Variants in MEG3 observed in about 807,000 individuals in gnomAD.
MEG3 encodes Very putative protein from MEG3 locus.
exon 1 of MEG3, chr14:100,858,305 T>A (rs1680576839): frequency 6.5e-6 from 1 of 152,776 alleles, no homozygotes; most frequent in African/African-American, 2.4e-5. Context: ...TTAGAGGAGG[T>A]GCTGCTGCAG....
upstream of MEG3, chr14:100,852,697 C>T (rs765377940): frequency 7.6e-6 from 2 of 262,626 alleles, no homozygotes; most frequent in Non-Finnish European, 1.5e-5. Context: ...AAAAAGTCAG[C>T]AGAGGCTCAG....
At position 100,837,400 on chromosome 14, in the gene MEG3, G is replaced by C. The variant is rs937060874; in HGVS notation, n.3045+1100G>C. 6.6e-6 allele frequency among the ~76,000 whole-genome samples: 1 copy of C among 152,198 alleles called. No individual in the cohort carries two copies. The highest frequency in any genetic ancestry group is 2.4e-5 in the African/African-American group (1 of 41,448). On this transcript the variant is annotated intron_variant and non_coding_transcript_variant, in intron 2 of 3. Transcript: ENST00000398461. The surrounding 1 kb of genome is among the most constrained non-coding windows in gnomAD (Gnocchi z 5.8). The stretch of plus-strand genomic sequence containing the variant: ...GTGGCCATTGTGGTGAATGAGTGCA[G>C]TTAGACTTCCCAGAGAAGCTGGGTG...
chr14:100,843,795 T>C (rs1173125279), intron 2 of MEG3, among the ~76,000 whole-genome samples: 2 of 141,204 alleles, frequency 1.4e-5, no homozygotes, highest in African/African-American at 5.3e-5. Context: ...AGACCTGCAG[T>C]GGGGCAGGCA....
chr14:100,834,514 C>A, exon 1 of MEG3: 1 of 345,182 alleles, frequency 2.9e-6, no homozygotes, highest in Non-Finnish European at 5.7e-6. Flanking sequence ...TCGTTGCTCC[C>A]TTGAGTGTAG....
chr14:100,827,433 CAGTTTTG>C (rs2037272068), intron 1 of MEG3: 1 of 152,180 alleles, frequency 6.6e-6, no homozygotes, highest in Non-Finnish European at 1.5e-5. Flanking sequence ...CAAGAGGGAA[CAGTTTTG>C]AGACCCCCCG....
chr14:100,852,297 G>A (rs1377922420), upstream of MEG3: 9 of 526,854 alleles, frequency 1.7e-5, no homozygotes, highest in East Asian at 4.4e-4. Context: ...GAGGGAGGGA[G>A]GCAAGAAGAA....
chr14:100,845,674 C>A lies in MEG3; in HGVS notation n.3121+141C>A. ...GGGTCTGTGCACCGGGAGGTGGGTG[C>A]CCATCGAGTCAAGCCAAGTGCAGAC... On this transcript the variant is annotated intron_variant and non_coding_transcript_variant, in intron 3 of 3. Coordinates refer to the MEG3 transcript ENST00000398461. This position sits in a 1 kb window ranked among gnomAD's most constrained non-coding sequence, Gnocchi z 5.2. 1 of 327,366 alleles carries A rather than the reference C, an allele frequency of 3.1e-6. No individual in the cohort carries two copies. The highest frequency in any genetic ancestry group is 6.0e-6 in the Non-Finnish European group (1 of 165,678). 20.3% of individuals were successfully genotyped at this position (327,366 alleles called of 1,614,324 possible).
chr14:100,838,800 G>A (rs2037665945), intron 2 of MEG3, among the ~76,000 whole-genome samples: 2 of 152,078 alleles, frequency 1.3e-5, no homozygotes, highest in Non-Finnish European at 2.9e-5. Context: ...AGGAAACCAA[G>A]AGGGTAGCTC....
Position 100,845,303 on chromosome 14 carries a change from G to A in MEG3, n.3046-155G>A, listed in dbSNP as rs756962220. Among the ~76,000 whole-genome samples, 3 of 152,146 alleles carry A rather than the reference G, an allele frequency of 2.0e-5. No individual in the cohort carries two copies. The highest frequency in any genetic ancestry group is 1.3e-4 in the Admixed American group (2 of 15,282). ...GTGAGTGGAGTCAGGAGAGAAATGC[G>A]TGGCTTCTCCAATTCCACACTTGCT... On this transcript the variant is annotated intron_variant and non_coding_transcript_variant, in intron 2 of 3. Coordinates refer to the MEG3 transcript ENST00000398461. This position sits in a 1 kb window ranked among gnomAD's most constrained non-coding sequence, Gnocchi z 5.2.
intron 2 of MEG3, among the ~76,000 whole-genome samples, chr14:100,843,071 G>A (rs1214909916): frequency 6.6e-6 from 1 of 152,170 alleles, no homozygotes; most frequent in African/African-American, 2.4e-5. Flanking sequence ...ACCAAGGCAC[G>A]AATTTGCTGG....
At chr14:100,830,498 T>A (rs1439844797), downstream of MEG3, 1 of 152,136 alleles carries the variant, frequency 6.6e-6, no homozygotes, top group Admixed American at 6.6e-5. Context: ...CCCGAGGCTG[T>A]CCCTCCTTGC....
At position 100,845,321 on chromosome 14, in the gene MEG3, C is replaced by T; in HGVS notation, n.3046-137C>T. Reference sequence around the variant, plus strand: ...GAAATGCGTGGCTTCTCCAATTCCACACTTGCTGGAGGTTGGGGAGTCTCT... The same window carrying T: ...GAAATGCGTGGCTTCTCCAATTCCATACTTGCTGGAGGTTGGGGAGTCTCT... On this transcript the variant is annotated intron_variant and non_coding_transcript_variant, in intron 2 of 3. Coordinates refer to the MEG3 transcript ENST00000398461. This position sits in a 1 kb window ranked among gnomAD's most constrained non-coding sequence, Gnocchi z 5.2. 2.8e-6 allele frequency: 1 copy of T among 355,432 alleles called. No individual in the cohort carries two copies. Among genetic ancestry groups the T allele is most frequent in the Non-Finnish European group, 5.6e-6 (1 of 178,438 alleles). The allele number at this position is 355,432 out of a possible 1,614,324, so 22.0% of individuals were successfully genotyped here. A position where few individuals can be genotyped will look rare whatever the true frequency, so the allele number is the denominator to read the frequency against.
chr14:100,826,378 A>G (rs2037231248), intron 1 of MEG3: 1 of 152,388 alleles, frequency 6.6e-6, no homozygotes, highest in Admixed American at 6.5e-5. Context: ...GTCCGCAACA[A>G]AATTTGTCAG....
chr14:100,838,742 T>G (rs930533015), intron 2 of MEG3, among the ~76,000 whole-genome samples: 4 of 152,092 alleles, frequency 2.6e-5, no homozygotes, highest in Non-Finnish European at 5.9e-5. Context: ...CGGTCTGGTC[T>G]GGAAACTGGC....
chr14:100,829,494 AC>A (rs2037339314), downstream of MEG3: 1 of 152,108 alleles, frequency 6.6e-6, no homozygotes, highest in South Asian at 2.1e-4. Flanking sequence ...GGCACGCCCG[AC>A]CTCTCTGAAG....
intron 1 of MEG3, among the ~76,000 whole-genome samples, chr14:100,828,093 C>T (rs2037295320): frequency 6.6e-6 from 1 of 152,008 alleles, no homozygotes; most frequent in African/African-American, 2.4e-5. Context: ...AGCGACCTGG[C>T]GCGGTGGCCT....
rs45500403 is a variant in MEG3, at chr14:100,845,658, C to T, written n.3121+125C>T. The T allele has an allele frequency of 0.025, 8,774 of 348,444 alleles. 155 individuals are homozygous for T. Among genetic ancestry groups the T allele is most frequent in the Non-Finnish European group, 0.035 (6,075 of 175,620 alleles). The allele number at this position is 348,444 out of a possible 1,614,324, so 21.6% of individuals were successfully genotyped here. ...GGCGGGCACTGGCCGGGGGTCTGTG[C>T]ACCGGGAGGTGGGTGCCCATCGAGT... On this transcript the variant is annotated intron_variant and non_coding_transcript_variant, in intron 3 of 3. Coordinates refer to the MEG3 transcript ENST00000398461. This position sits in a 1 kb window ranked among gnomAD's most constrained non-coding sequence, Gnocchi z 5.2.
rs1451763465 is a variant in MEG3 at position 100,844,886 on chromosome 14, T to C, written n.3046-572T>C. On this transcript the variant is annotated intron_variant and non_coding_transcript_variant, in intron 2 of 3. Coordinates refer to the MEG3 transcript ENST00000398461. Reference sequence around the variant, plus strand: ...CTTGACACTGAAGACTCGATGTGCCTGGCCATGGTGCTTCCCGGGGCCTAC... The same window carrying C: ...CTTGACACTGAAGACTCGATGTGCCCGGCCATGGTGCTTCCCGGGGCCTAC... 1.3e-5 allele frequency among the ~76,000 whole-genome samples: 2 copies of C among 152,232 alleles called. 1 individual carries two copies. The highest frequency in any genetic ancestry group is 4.8e-5 in the African/African-American group (2 of 41,474).
exon 1 of MEG3, chr14:100,858,509 C>T (rs1056076709): frequency 6.5e-6 from 1 of 152,736 alleles, no homozygotes; most frequent in South Asian, 2.1e-4. Context: ...CACTCACGGC[C>T]CCCACCCCAC....
Sources: gnomAD v4.1 joint callset for allele counts (sites outside exome capture counted in the v4.1 genomes callset) on GRCh38, gnomAD v4.1.1 for gene constraint, Gnocchi (gnomAD v3.1) non-coding constraint, MANE v1.5 for transcripts, NCBI Gene and HGNC (gene_info 2026-07-23, HGNC 2026-07-21) for gene names.